Variants in MGAM2 observed in about 807,000 individuals in gnomAD.
MGAM2 encodes probable maltase-glucoamylase 2.
Under a neutral mutation model 96.1 loss-of-function variants are expected in MGAM2, and 98 were observed. The ratio of observed to expected loss-of-function variants is 1.02; its 90% CI spans 0.87 to 1.21. The LOEUF is 1.21. Ranked by LOEUF, MGAM2 falls within the 50% of genes most tolerant of loss-of-function variation. MGAM2 has a pLI of 0.00. For synonymous variants in MGAM2, 749 were observed against 414.8 expected (o/e 1.81, Z -9.79); for missense variants, 2,055 against 1,182.4 (o/e 1.74, Z -10.82).
rs542969095 is a variant in MGAM2, at chr7:142,126,225, A to G, written c.187-4723A>G. Among the ~76,000 whole-genome samples the G allele has an allele frequency of 3.9e-5, 6 of 152,174 alleles. No homozygotes were observed. The East Asian group carries it at 9.6e-4, about 24-fold the overall frequency. ...CTTTTGCTTAATGAGACCTATTCAT[A>G]TATTGTGTATTAATTCTTTTAATAT... On this transcript the variant is annotated intron_variant, in intron 3 of 47. Coordinates refer to ENST00000477922, the MANE Select transcript of MGAM2 (RefSeq NM_001293626.2).
chr7:142,147,805 C>T (rs1795433368), intron 15 of MGAM2, among the ~76,000 whole-genome samples: 1 of 152,156 alleles, frequency 6.6e-6, no homozygotes, highest in Non-Finnish European at 1.5e-5. Context: ...AGGATACTAG[C>T]AGGCAATACT....
chr7:142,145,629 G>A (rs527534503), intron 14 of MGAM2, among the ~76,000 whole-genome samples: 19 of 152,258 alleles, frequency 1.2e-4, no homozygotes, highest in Non-Finnish European at 1.8e-4. Context: ...CACAATAATC[G>A]TTTACTTTTT....
chr7:142,220,102 C>A lies in MGAM2; in HGVS notation c.5591C>A (p.Ser1864Tyr), dbSNP rs980536829. 8.5e-6 allele frequency: 6 copies of A among 702,766 alleles called. No homozygotes were observed. The African/African-American group carries it at 8.7e-5, about 10-fold the overall frequency. The allele number at this position is 702,766 out of a possible 1,614,324, so 43.5% of individuals were successfully genotyped here. A position where few individuals can be genotyped will look rare whatever the true frequency, so the allele number is the denominator to read the frequency against. The change falls in exon 48 of 48, where the codon TCT becomes TAT. Residue 1864 changes from serine (S) to tyrosine (Y), a missense_variant. By Grantham distance (144) the Ser-to-Tyr change is moderately radical. Coordinates refer to ENST00000477922, the MANE Select transcript of MGAM2 (RefSeq NM_001293626.2). ...TTDTVPITTTSFPSTTSVTTN... is the reference protein window; with the variant it reads ...TTDTVPITTTYFPSTTSVTTN... ...GATACTGTTCCTATCACAACCACAT[C>A]TTTCCCAAGTACTACTAGTGTTACA...
Position 142,141,028 on chromosome 7 carries a change from G to T in MGAM2, c.1226G>T (p.Gly409Val). ...ATCGTATTTCTTTATTAGAATCCTG[G>T]CATCTCCAAAAACTCTAACTACGAG... ...GQKYLIIMNP[G>V]ISKNSNYEPY... The change falls in exon 12 of 48, where the codon GGC becomes GTC. Residue 409 changes from glycine to valine, a missense_variant. Gly to Val is a moderately radical substitution (Grantham distance 109, BLOSUM62 -3). Coordinates refer to ENST00000477922, the MANE Select transcript of MGAM2 (RefSeq NM_001293626.2). The T allele has an allele frequency of 2.9e-6, 2 of 697,216 alleles. No individual in the cohort carries two copies. Among genetic ancestry groups the T allele is most frequent in the South Asian group, 3.1e-5 (2 of 65,198 alleles). The allele number at this position is 697,216 out of a possible 1,614,324, so 43.2% of individuals were successfully genotyped here.
rs1585209130 is a variant in MGAM2 at position 142,197,691 on chromosome 7, T to C, written c.4829T>C (p.Leu1610Ser). 1.4e-6 allele frequency: 1 copy of C among 702,902 alleles called. No homozygotes were observed. The highest frequency in any genetic ancestry group is 2.7e-5 in the East Asian group (1 of 37,290). The allele number at this position is 702,902 out of a possible 1,614,324, so 43.5% of individuals were successfully genotyped here. A position where few individuals can be genotyped will look rare whatever the true frequency, so the allele number is the denominator to read the frequency against. ...TGGGATATAGACCGTCAGTTCATGT[T>C]GGGCCCTGCTATCTTAATCAGCCCT... ...TTWDIDRQFMLGPAILISPVL... is the reference protein window; with the variant it reads ...TTWDIDRQFMSGPAILISPVL... Residue 1610 changes from leucine to serine, a missense_variant, in exon 42 of 48, where the codon TTG becomes TCG. Transcript: ENST00000477922.
At chr7:142,127,782 A>T (rs938948331) in intron 3 of MGAM2, among the ~76,000 whole-genome samples, 2 of 152,184 alleles carry the variant, frequency 1.3e-5, no homozygotes, top group African/African-American at 4.8e-5. Flanking sequence ...AGGCCTCCCC[A>T]GCCATGTGGA....
chr7:142,138,820 C>G (rs1213812406), intron 10 of MGAM2, among the ~76,000 whole-genome samples, 153 bp downstream of exon 10: 3 of 152,170 alleles, frequency 2.0e-5, no homozygotes, highest in East Asian at 3.8e-4. Flanking sequence ...AGTTATGTAT[C>G]TGAGCATGAA....
intron 40 of MGAM2, among the ~76,000 whole-genome samples, chr7:142,197,122 C>T (rs1002412298): frequency 2.0e-5 from 3 of 152,072 alleles, no homozygotes; most frequent in Admixed American, 6.5e-5. Flanking sequence ...TCAAATTCAT[C>T]GAAGATATGT....
intron 33 of MGAM2, among the ~76,000 whole-genome samples, chr7:142,183,826 A>G (rs1350636463): frequency 2.0e-5 from 3 of 151,506 alleles, no homozygotes; most frequent in African/African-American, 4.9e-5. Flanking sequence ...TCATCTTTAT[A>G]TGTCTGATTT....
chr7:142,191,606 A>C (rs4132051), intron 37 of MGAM2, among the ~76,000 whole-genome samples: 27,188 of 151,310 alleles, frequency 0.18, 2,549 homozygotes, highest in East Asian at 0.25. Context: ...CTCTCTCTAT[A>C]TATATATATA....
At chr7:142,132,651 T>C (rs1373812432) in intron 6 of MGAM2, among the ~76,000 whole-genome samples, 19 of 127,518 alleles carry the variant, frequency 1.5e-4, no homozygotes, top group African/African-American at 5.9e-4. Flanking sequence ...AATATAGTTA[T>C]AATTAAAATA....
chr7:142,116,816 C>T (rs1817419626), intron 1 of MGAM2, 58 bp from the exon 2 acceptor site: 3 of 701,304 alleles, frequency 4.3e-6, no homozygotes, highest in Non-Finnish European at 5.2e-6. Context: ...ATTATGTATC[C>T]TCTTAGATTG....
chr7:142,180,689 G>T (rs1006672160), intron 32 of MGAM2, among the ~76,000 whole-genome samples: 1 of 151,796 alleles, frequency 6.6e-6, no homozygotes, highest in African/African-American at 2.4e-5. Flanking sequence ...CATAGATTTG[G>T]CCTCTTTACA....
intron 14 of MGAM2, among the ~76,000 whole-genome samples, chr7:142,146,566 T>C (rs1169642068): frequency 2.0e-5 from 3 of 152,018 alleles, no homozygotes; most frequent in Admixed American, 2.0e-4. Flanking sequence ...TGAAGGAAGG[T>C]AGATACGGCC....
At position 142,183,950 on chromosome 7, in the gene MGAM2, C is replaced by CTTTTTTTTTTTT. The variant is rs748299647; in HGVS notation, c.3924+606_3924+617dup. ...ACTGCTCTGGATGTATTCCAGGCTC[C>CTTTTTTTTTTTT]TTTTTTTTTTTTTTTTTTTTTTTTT... On this transcript the variant is annotated intron_variant, in intron 33 of 47. Coordinates refer to ENST00000477922, the MANE Select transcript of MGAM2 (RefSeq NM_001293626.2). 2.2e-4 allele frequency among the ~76,000 whole-genome samples: 10 copies of CTTTTTTTTTTTT among 46,146 alleles called. 2 individuals carry two copies. Among genetic ancestry groups the CTTTTTTTTTTTT allele is most frequent in the Non-Finnish European group, 4.4e-4 (9 of 20,370 alleles). 30.3% of individuals were successfully genotyped at this position (46,146 alleles called of 152,430 possible).
intron 46 of MGAM2, among the ~76,000 whole-genome samples, chr7:142,210,300 T>G (rs559922696): frequency 1.5e-3 from 16 of 10,530 alleles, no homozygotes; most frequent in Admixed American, 8.2e-3. Context: ...GCTTCAGGAG[T>G]TTTTTTTTTT....
At chr7:142,184,499 C>T (rs1796636585) in intron 33 of MGAM2, among the ~76,000 whole-genome samples, 1 of 152,218 alleles carries the variant, frequency 6.6e-6, no homozygotes, top group Non-Finnish European at 1.5e-5. Flanking sequence ...TCAGTAAATA[C>T]AGATCCTGGA....
At chr7:142,200,619 T>C (rs772037447) in intron 45 of MGAM2, among the ~76,000 whole-genome samples, 11 of 152,186 alleles carry the variant, frequency 7.2e-5, no homozygotes, top group Non-Finnish European at 1.5e-4. Context: ...TCACTACTTA[T>C]TACTGTGGAC....
intron 36 of MGAM2, among the ~76,000 whole-genome samples, chr7:142,188,676 A>C (rs766528487): frequency 6.6e-5 from 10 of 152,246 alleles, no homozygotes; most frequent in Non-Finnish European, 1.2e-4. Flanking sequence ...CAATGGTAAG[A>C]AAGTGACATG....
Sources: allele counts gnomAD v4.1 joint callset (sites outside exome capture counted in the v4.1 genomes callset), GRCh38; gene constraint gnomAD v4.1.1; transcripts MANE v1.5; gene names NCBI Gene and HGNC (gene_info 2026-07-23, HGNC 2026-07-21).